SYT14: variants seen among roughly 807,000 people sequenced by gnomAD.
The protein encoded by SYT14 is synaptotagmin 14.
SYT14 carries 32 observed loss-of-function variants against 74.2 expected under a neutral mutation model. The ratio of observed to expected loss-of-function variants is 0.43; its 90% CI spans 0.33 to 0.58. The LOEUF (loss-of-function observed/expected upper bound fraction) is 0.58, where lower values mean the gene tolerates loss of function less well. SYT14 is among the 20% of genes least tolerant of loss of function. SYT14 has a pLI of 0.05. For synonymous variants in SYT14, 298 were observed against 337.7 expected (o/e 0.88, Z 1.29); for missense variants, 791 against 981.8 (o/e 0.81, Z 2.60).
intron 2 of SYT14, chr1:209,953,223 G>T (rs2078940435): frequency 7.8e-7 from 1 of 1,287,162 alleles, no homozygotes. Context: ...GGAGCCACCT[G>T]ACAACTGGGT....
intron 2 of SYT14, among the ~76,000 whole-genome samples, chr1:209,994,297 C>A (rs1345709361): frequency 6.6e-6 from 1 of 152,062 alleles, no homozygotes; most frequent in East Asian, 1.9e-4. Context: ...TAAGAAAGAA[C>A]CAACTGAACT....
intron 2 of SYT14, among the ~76,000 whole-genome samples, chr1:209,984,467 C>A (rs1415897887): frequency 1.3e-5 from 2 of 152,156 alleles, no homozygotes; most frequent in African/African-American, 4.8e-5. Context: ...CCTTCTCCCT[C>A]ATTTTCTGTG....
At chr1:209,953,053 A>G in intron 2 of SYT14, 1 of 1,358,244 alleles carries the variant, frequency 7.4e-7, no homozygotes, top group South Asian at 1.2e-5. Flanking sequence ...GTTCCCTTTC[A>G]GAATCTGGAA....
chr1:210,008,976 G>T (rs953692114), intron 2 of SYT14, among the ~76,000 whole-genome samples: 4 of 152,108 alleles, frequency 2.6e-5, no homozygotes, highest in Non-Finnish European at 5.9e-5. Context: ...AAGAAGAATG[G>T]TCTTGGGCCA....
At chr1:209,946,061 G>A (rs1218877365) in intron 1 of SYT14, among the ~76,000 whole-genome samples, 1 of 151,970 alleles carries the variant, frequency 6.6e-6, no homozygotes, top group Non-Finnish European at 1.5e-5. Context: ...AATTGTTTTG[G>A]GCGCTACGAG....
chr1:210,061,679 G>A (rs1402934322), intron 5 of SYT14, among the ~76,000 whole-genome samples: 1 of 151,852 alleles, frequency 6.6e-6, no homozygotes, highest in Non-Finnish European at 1.5e-5. Flanking sequence ...AAATTTAGTA[G>A]TGGGGTTTAT....
intron 5 of SYT14, among the ~76,000 whole-genome samples, chr1:210,024,007 G>T (rs1326395279): frequency 6.6e-6 from 1 of 152,130 alleles, no homozygotes; most frequent in Non-Finnish European, 1.5e-5. Flanking sequence ...TTTTAAGCAG[G>T]AGAGTGTGAT....
intron 2 of SYT14, among the ~76,000 whole-genome samples, chr1:209,963,592 T>C (rs763970949): frequency 3.3e-5 from 5 of 152,242 alleles, no homozygotes; most frequent in Non-Finnish European, 5.9e-5. Flanking sequence ...TATTCTGGCC[T>C]GTCATTTTCA....
intron 2 of SYT14, among the ~76,000 whole-genome samples, chr1:209,959,585 A>G (rs1338477687): frequency 6.6e-6 from 1 of 152,230 alleles, no homozygotes; most frequent in African/African-American, 2.4e-5. Context: ...TACAAGCTAC[A>G]ACATTGGTGA....
chr1:210,108,901 T>A (rs2082207836), intron 7 of SYT14, among the ~76,000 whole-genome samples: 1 of 152,032 alleles, frequency 6.6e-6, no homozygotes, highest in South Asian at 2.1e-4. Flanking sequence ...GGGGAATGTT[T>A]TCAGTTCATA....
intron 5 of SYT14, among the ~76,000 whole-genome samples, chr1:210,049,968 G>A (rs1224494539): frequency 6.6e-6 from 1 of 152,172 alleles, no homozygotes; most frequent in Non-Finnish European, 1.5e-5. Flanking sequence ...CCTCTGACAT[G>A]CCCTGGAGAC....
chr1:210,133,499 A>C (rs4844948), intron 7 of SYT14, among the ~76,000 whole-genome samples: 65,667 of 151,906 alleles, frequency 0.43, 16,646 homozygotes, highest in Non-Finnish European at 0.57. Flanking sequence ...ACACCAGTAA[A>C]TGCTTAAATC....
At chr1:210,162,987 A>AT in exon 10 of SYT14, 1 of 453,168 alleles carries the variant, frequency 2.2e-6, no homozygotes, top group Non-Finnish European at 4.4e-6. Context: ...AAAATATCTC[A>AT]TTTAAGTGTT....
At chr1:210,130,320 A>C (rs2046849) in intron 7 of SYT14, among the ~76,000 whole-genome samples, 67,760 of 151,958 alleles carry the variant, frequency 0.45, 17,097 homozygotes, top group Non-Finnish European at 0.57. Flanking sequence ...GAAAAAAACA[A>C]AAAACATTTT....
chr1:210,056,331 A>T (rs2081096073), intron 5 of SYT14, among the ~76,000 whole-genome samples: 1 of 152,046 alleles, frequency 6.6e-6, no homozygotes, highest in African/African-American at 2.4e-5. Context: ...CACCAAAAAA[A>T]TATTCCACAA....
chr1:210,143,129 G>A (rs967098298), intron 7 of SYT14, among the ~76,000 whole-genome samples: 37 of 152,152 alleles, frequency 2.4e-4, no homozygotes, highest in African/African-American at 8.0e-4. Flanking sequence ...GATACTATCC[G>A]GAGGAAAAAT....
At chr1:210,122,841 G>T (rs973725779) in intron 7 of SYT14, among the ~76,000 whole-genome samples, 2 of 152,150 alleles carry the variant, frequency 1.3e-5, no homozygotes, top group Non-Finnish European at 2.9e-5. Context: ...TTCACCTTAT[G>T]ATTTGCATAT....
chr1:210,020,919 TCAG>T (rs2080288072), intron 4 of SYT14, 117 bp from the exon 4 acceptor site: 1 of 775,654 alleles, frequency 1.3e-6, no homozygotes, highest in South Asian at 1.5e-5. Flanking sequence ...ATATATAACT[TCAG>T]CAAATTTTCT....
At chr1:210,005,191 G>C (rs1459320676) in intron 2 of SYT14, among the ~76,000 whole-genome samples, 2 of 151,994 alleles carry the variant, frequency 1.3e-5, no homozygotes, top group Non-Finnish European at 2.9e-5. Flanking sequence ...CTTAGTAGGG[G>C]AAAGATGGTT....
Sources: allele counts gnomAD v4.1 joint callset (sites outside exome capture counted in the v4.1 genomes callset), GRCh38; gene constraint gnomAD v4.1.1; transcripts MANE v1.5; gene names NCBI Gene and HGNC (gene_info 2026-07-23, HGNC 2026-07-21).